SNTG1: variants seen among roughly 807,000 people sequenced by gnomAD.
SNTG1 encodes the protein syntrophin gamma 1, also known as gamma-1-syntrophin.
Under a neutral mutation model 74.7 loss-of-function variants are expected in SNTG1, and 39 were observed. That is an observed-to-expected ratio of 0.52 (90% CI 0.40 to 0.68). The LOEUF (loss-of-function observed/expected upper bound fraction) is 0.68, where lower values mean the gene tolerates loss of function less well. Ranked by LOEUF, SNTG1 falls within the 30% of genes least tolerant of loss-of-function variation. SNTG1 has a pLI of 0.00. For missense variants in SNTG1, 685 were observed against 609.5 expected, an observed-to-expected ratio of 1.12 and a Z score of -1.30; for synonymous variants, 254 against 217.1, an observed-to-expected ratio of 1.17 and a Z score of -1.49.
intron 18 of SNTG1, among the ~76,000 whole-genome samples, chr8:50,754,140 C>G (rs1287683627): frequency 5.3e-5 from 8 of 151,866 alleles, no homozygotes; most frequent in Non-Finnish European, 1.0e-4. Context: ...ATCACAGGAG[C>G]AAAACAATCG....
intron 2 of SNTG1, among the ~76,000 whole-genome samples, chr8:50,296,185 A>T (rs2089361354): frequency 6.6e-6 from 1 of 152,104 alleles, no homozygotes; most frequent in Non-Finnish European, 1.5e-5. Context: ...GAAAAAACAA[A>T]ACAGTGAAAG....
At chr8:50,018,727 T>C (rs563745996) in intron 1 of SNTG1, among the ~76,000 whole-genome samples, 37 of 152,156 alleles carry the variant, frequency 2.4e-4, no homozygotes, top group African/African-American at 7.5e-4. Context: ...AATATGTTAA[T>C]ACATCATATA....
At chr8:50,481,291 G>A (rs1273458947) in intron 8 of SNTG1, among the ~76,000 whole-genome samples, 2 of 152,186 alleles carry the variant, frequency 1.3e-5, no homozygotes, top group African/African-American at 4.8e-5. Flanking sequence ...TGAGGCGGGA[G>A]AATTGCTTGA....
chr8:49,961,905 A>G (rs561444880), intron 1 of SNTG1, among the ~76,000 whole-genome samples: 10 of 152,240 alleles, frequency 6.6e-5, no homozygotes, highest in Non-Finnish European at 1.0e-4. Flanking sequence ...CCATCCAAGT[A>G]TAGAAAAAAT....
chr8:50,680,719 C>A (rs117838953), intron 15 of SNTG1, among the ~76,000 whole-genome samples: 1 of 152,146 alleles, frequency 6.6e-6, no homozygotes, highest in Non-Finnish European at 1.5e-5. Context: ...GGTCCTCAAG[C>A]GCAACATCCT....
At chr8:50,364,108 T>C (rs192999489) in intron 2 of SNTG1, among the ~76,000 whole-genome samples, 1 of 152,240 alleles carries the variant, frequency 6.6e-6, no homozygotes, top group Admixed American at 6.5e-5. Context: ...CAATAGATCA[T>C]ATCATCGGCC....
rs145035805 is a variant in SNTG1 at position 50,246,874 on chromosome 8, C to T, written c.-28+74239C>T. 6.8e-3 allele frequency among the ~76,000 whole-genome samples: 1,029 copies of T among 152,276 alleles called. 12 individuals carry two copies. Among genetic ancestry groups the T allele is most frequent in the African/African-American group, 0.023 (973 of 41,560 alleles). ...TTCAACCTCTTTTTAGCCATTGCTT[C>T]AATTGTGCTTTGTCTTCTGGATTGA... On this transcript the variant is annotated intron_variant, in intron 2 of 18. Transcript: ENST00000642720.
intron 15 of SNTG1, among the ~76,000 whole-genome samples, chr8:50,696,691 T>C (rs184763036): frequency 6.6e-6 from 1 of 152,208 alleles, no homozygotes; most frequent in East Asian, 1.9e-4. Flanking sequence ...TGAAATAAGA[T>C]GTCCTTTACC....
chr8:50,564,105 C>T (rs2130708844), intron 12 of SNTG1, among the ~76,000 whole-genome samples: 1 of 147,604 alleles, frequency 6.8e-6, no homozygotes, highest in East Asian at 2.0e-4. Context: ...ACAAGTGTCA[C>T]ATGTTGCAGT....
chr8:50,119,117 A>T (rs1266156980), intron 1 of SNTG1, among the ~76,000 whole-genome samples: 1 of 141,616 alleles, frequency 7.1e-6, no homozygotes, highest in East Asian at 2.0e-4. Flanking sequence ...CTCTGGAAGT[A>T]ATTTTATGTT....
At chr8:50,476,907 C>G (rs2093701714) in intron 8 of SNTG1, among the ~76,000 whole-genome samples, 1 of 139,502 alleles carries the variant, frequency 7.2e-6, no homozygotes, top group South Asian at 2.3e-4. Context: ...CATACACACA[C>G]AGTATTAATA....
chr8:50,018,709 A>G (rs1816561343), intron 1 of SNTG1, among the ~76,000 whole-genome samples: 1 of 152,070 alleles, frequency 6.6e-6, no homozygotes, highest in African/African-American at 2.4e-5. Context: ...CAATGCATAG[A>G]ACATAAGAAT....
At chr8:50,167,097 G>C (rs1296021756) in intron 1 of SNTG1, among the ~76,000 whole-genome samples, 1 of 121,426 alleles carries the variant, frequency 8.2e-6, no homozygotes, top group East Asian at 2.4e-4. Context: ...ACAGGAAGGG[G>C]AATATCACAC....
At chr8:50,647,463 TAC>T (rs749068141) in intron 13 of SNTG1, among the ~76,000 whole-genome samples, 1 of 151,390 alleles carries the variant, frequency 6.6e-6, no homozygotes, top group Non-Finnish European at 1.5e-5. Context: ...TATATATGTA[TAC>T]ACACACACAC....
At chr8:50,713,119 C>A (rs1380901295) in intron 17 of SNTG1, among the ~76,000 whole-genome samples, 1 of 152,176 alleles carries the variant, frequency 6.6e-6, no homozygotes, top group Non-Finnish European at 1.5e-5. Context: ...TCCCCACCAA[C>A]AGTATAAAAG....
At chr8:50,012,156 T>C (rs1191050557) in intron 1 of SNTG1, among the ~76,000 whole-genome samples, 1 of 152,190 alleles carries the variant, frequency 6.6e-6, no homozygotes, top group Non-Finnish European at 1.5e-5. Context: ...GTTTTATTTC[T>C]TTAAATTTAA....
At chr8:50,570,290 G>A (rs887139878) in intron 12 of SNTG1, among the ~76,000 whole-genome samples, 1 of 18,076 alleles carries the variant, frequency 5.5e-5, no homozygotes. Context: ...ATGGAGTCTC[G>A]CTCTGTCACC....
intron 17 of SNTG1, among the ~76,000 whole-genome samples, chr8:50,735,388 G>T (rs1360883490): frequency 1.3e-5 from 2 of 151,744 alleles, no homozygotes; most frequent in Non-Finnish European, 2.9e-5. Context: ...CAGGTTAGAG[G>T]AATTGCAAAC....
At chr8:50,658,999 GT>G (rs869040888) in intron 15 of SNTG1, among the ~76,000 whole-genome samples, 43 of 33,376 alleles carry the variant, frequency 1.3e-3, no homozygotes, top group East Asian at 5.1e-3. Flanking sequence ...TTGTTACCAT[GT>G]TTTTTTTTTT....
Sources: allele counts gnomAD v4.1 joint callset (sites outside exome capture counted in the v4.1 genomes callset), GRCh38; gene constraint gnomAD v4.1.1; transcripts MANE v1.5; gene names NCBI Gene and HGNC (gene_info 2026-07-23, HGNC 2026-07-21).